The following SWAP70 variants were observed in gnomAD, a reference collection of about 807,000 sequenced individuals.
SWAP70 encodes the protein switching B cell complex subunit SWAP70.
Under a neutral mutation model 80.2 loss-of-function variants are expected in SWAP70, and 34 were observed. The observed-to-expected ratio is 0.42, with a 90% CI of 0.32 to 0.56. The LOEUF (loss-of-function observed/expected upper bound fraction) is 0.56, where lower values mean the gene tolerates loss of function less well. Among genes scored for constraint, SWAP70 ranks in the 20% least tolerant of loss-of-function variants. SWAP70 has a pLI of 0.09. For synonymous variants in SWAP70, 239 were observed against 238.5 expected (o/e 1.00, Z -0.02); for missense variants, 578 against 690.7 (o/e 0.84, Z 1.83).
At chr11:9,706,531 T>C (rs181195211) in intron 2 of SWAP70, among the ~76,000 whole-genome samples, 81 of 152,348 alleles carry the variant, frequency 5.3e-4, no homozygotes, top group Admixed American at 2.5e-3. Flanking sequence ...ACATCAGTAA[T>C]GTTGCCTCAA....
intron 1 of SWAP70, among the ~76,000 whole-genome samples, chr11:9,669,973 T>C (rs911840104): frequency 1.3e-5 from 2 of 152,010 alleles, no homozygotes; most frequent in Non-Finnish European, 1.5e-5. Context: ...ACTAAAAATA[T>C]AAAAATTAGC....
intron 7 of SWAP70, among the ~76,000 whole-genome samples, chr11:9,734,280 GAAT>G (rs1851336696): frequency 6.6e-6 from 1 of 152,144 alleles, no homozygotes. Context: ...CATATAAATG[GAAT>G]CATACAGAAT....
chr11:9,692,483 G>A (rs1018416677), intron 1 of SWAP70, among the ~76,000 whole-genome samples: 3 of 151,046 alleles, frequency 2.0e-5, no homozygotes, highest in African/African-American at 7.3e-5. Context: ...AATTTATGTT[G>A]GAGATCTTTT....
At chr11:9,697,333 A>G (rs1162049718) in intron 2 of SWAP70, among the ~76,000 whole-genome samples, 1 of 148,598 alleles carries the variant, frequency 6.7e-6, no homozygotes, top group Non-Finnish European at 1.5e-5. Context: ...CCCCAGCAGG[A>G]GTGCAGTGCC....
intron 1 of SWAP70, among the ~76,000 whole-genome samples, chr11:9,674,898 GGCAGAGCTT>G (rs964179992): frequency 6.6e-6 from 1 of 152,074 alleles, no homozygotes; most frequent in African/African-American, 2.4e-5. Flanking sequence ...GAACCCGGGA[GGCAGAGCTT>G]GCAGTGAGCG....
rs571550461 is a variant in SWAP70 at position 9,726,536 on chromosome 11, T to C, written c.643-1517T>C. On this transcript the variant is annotated intron_variant, in intron 4 of 11. Transcript: ENST00000318950. ...CTCTTAGGATGGCAGGATATGACTGTAGTAGAATTGCCGTATGAGATAGCT... is the reference window on the plus strand; with the variant it reads ...CTCTTAGGATGGCAGGATATGACTGCAGTAGAATTGCCGTATGAGATAGCT... 2.6e-5 allele frequency among the ~76,000 whole-genome samples: 4 copies of C among 152,328 alleles called. No homozygotes were observed. In the South Asian group the frequency reaches 8.3e-4, roughly 32 times the overall value.
intron 2 of SWAP70, among the ~76,000 whole-genome samples, chr11:9,709,517 A>G (rs1418317841): frequency 6.6e-6 from 1 of 152,118 alleles, no homozygotes; most frequent in Non-Finnish European, 1.5e-5. Context: ...CATAGTTGAA[A>G]ATCCAAGTAT....
At chr11:9,711,808 A>G (rs1453999848) in intron 2 of SWAP70, among the ~76,000 whole-genome samples, 5 of 152,066 alleles carry the variant, frequency 3.3e-5, no homozygotes, top group Non-Finnish European at 7.4e-5. Context: ...GAGGTTACCC[A>G]TTGTTTTTCC....
At chr11:9,694,585 A>G (rs1214507294) in intron 2 of SWAP70, among the ~76,000 whole-genome samples, 1 of 152,204 alleles carries the variant, frequency 6.6e-6, no homozygotes, top group Non-Finnish European at 1.5e-5. Flanking sequence ...ATCAAGTCTA[A>G]TATCCAGAAT....
In SWAP70 at chr11:9,729,339, T is replaced by C. The variant is rs142785423; in HGVS notation, c.790-4T>C. The stretch of plus-strand genomic sequence containing the variant: ...TGAGGAACTAATTTTGCTTTCTGTT[T>C]TAGTCCTTGCCTGACAAAGATGGAA... On this transcript the variant is annotated splice_region_variant and splice_polypyrimidine_tract_variant and intron_variant, in intron 5 of 11. Transcript: ENST00000318950. 3 of 1,601,922 alleles carry C rather than the reference T, an allele frequency of 1.9e-6. No individual in the cohort carries two copies. In the African/African-American group the frequency reaches 4.0e-5, roughly 22 times the overall value.
chr11:9,673,573 T>C (rs1850447470), intron 1 of SWAP70, among the ~76,000 whole-genome samples: 1 of 152,194 alleles, frequency 6.6e-6, no homozygotes. Flanking sequence ...AAAAAGGGTA[T>C]GATCTAATAT....
chr11:9,725,552 TATATATATA>T (rs1564829453), intron 4 of SWAP70, among the ~76,000 whole-genome samples: 44 of 10,218 alleles, frequency 4.3e-3, no homozygotes, highest in African/African-American at 0.013. Context: ...TATATATATA[TATATATATA>T]TATATATATT....
chr11:9,723,829 G>A (rs1851171940), intron 3 of SWAP70, among the ~76,000 whole-genome samples: 2 of 147,438 alleles, frequency 1.4e-5, no homozygotes, highest in South Asian at 2.1e-4. Context: ...CTGGAGTGCA[G>A]TGGCACAATC....
intron 11 of SWAP70, 96 bp from the exon 12 acceptor site, chr11:9,749,768 A>G (rs374681386): frequency 1.2e-5 from 9 of 740,474 alleles, no homozygotes; most frequent in Admixed American, 4.9e-5. Context: ...CAAAGAAGAA[A>G]TAAAGTAGGG....
intron 2 of SWAP70, among the ~76,000 whole-genome samples, chr11:9,712,286 G>A (rs1490426778): frequency 6.6e-6 from 1 of 152,116 alleles, no homozygotes; most frequent in Non-Finnish European, 1.5e-5. Flanking sequence ...TGTCAAATGA[G>A]TGAACAATTC....
chr11:9,684,543 T>C (rs1590016499), intron 1 of SWAP70, among the ~76,000 whole-genome samples: 1 of 152,188 alleles, frequency 6.6e-6, no homozygotes, highest in African/African-American at 2.4e-5. Context: ...TTAATTCTTA[T>C]TGTGTCCTTT....
intron 2 of SWAP70, among the ~76,000 whole-genome samples, chr11:9,698,377 G>A (rs2117699): frequency 0.67 from 100,985 of 151,250 alleles, 33,996 homozygotes; most frequent in South Asian, 0.85. Context: ...CTGGGATTAC[G>A]GGCGTGAGCC....
intron 6 of SWAP70, among the ~76,000 whole-genome samples, chr11:9,731,196 A>T (rs917238753): frequency 2.6e-5 from 4 of 152,224 alleles, no homozygotes; most frequent in Non-Finnish European, 5.9e-5. Flanking sequence ...ATGCAATACA[A>T]GAGGGCTTTT....
intron 4 of SWAP70, among the ~76,000 whole-genome samples, chr11:9,725,642 G>A (rs1437458987): frequency 1.4e-5 from 2 of 141,948 alleles, no homozygotes; most frequent in African/African-American, 5.3e-5. Context: ...CATGATCTTG[G>A]CTCACTGCAA....
Sources: allele counts gnomAD v4.1 joint callset (sites outside exome capture counted in the v4.1 genomes callset), GRCh38; gene constraint gnomAD v4.1.1; transcripts MANE v1.5; gene names NCBI Gene and HGNC (gene_info 2026-07-23, HGNC 2026-07-21).